The following IMPG1 variants were observed in gnomAD, a reference collection of about 807,000 sequenced individuals.
IMPG1 encodes the protein interphotoreceptor matrix proteoglycan of 150 kDa.
A neutral mutation model predicts 92.0 loss-of-function variants in IMPG1; 85 were observed. The ratio of observed to expected loss-of-function variants is 0.92; its 90% CI spans 0.78 to 1.11. The LOEUF is 1.11. Among genes scored for constraint, IMPG1 ranks in the 50% least tolerant of loss-of-function variants. The pLI is 0.00. For synonymous variants in IMPG1, 367 were observed against 334.1 expected, an observed-to-expected ratio of 1.10 and a Z score of -1.08; for missense variants, 1,022 against 956.0, an observed-to-expected ratio of 1.07 and a Z score of -0.91.
intron 15 of IMPG1, among the ~76,000 whole-genome samples, chr6:75,928,260 C>T (rs1377051285): frequency 6.6e-6 from 1 of 151,536 alleles, no homozygotes; most frequent in African/African-American, 2.4e-5. Flanking sequence ...AGTGCAATGG[C>T]GTGATCTTGG....
At position 75,935,623 on chromosome 6, in the gene IMPG1, T is replaced by C. The variant is rs535086092; in HGVS notation, c.2045-4472A>G. ...GCGAGGAGGTGAAGGGGTCATTCCT[T>C]TGCCTGGGGCATCAGAGAAAGGCAA... On this transcript the variant is annotated intron_variant, in intron 14 of 16. Coordinates refer to ENST00000369950, the MANE Select transcript of IMPG1 (RefSeq NM_001563.4). Among the ~76,000 whole-genome samples, 3 of 152,296 alleles carry C rather than the reference T, an allele frequency of 2.0e-5. No homozygotes were observed. The South Asian group carries it at 6.2e-4, about 32-fold the overall frequency.
chr6:76,007,806 C>G (rs894623567), intron 8 of IMPG1, among the ~76,000 whole-genome samples: 2 of 152,110 alleles, frequency 1.3e-5, no homozygotes, highest in African/African-American at 4.8e-5. Context: ...TCTTCATATT[C>G]CATCTAAAAA....
chr6:75,979,070 A>C (rs1782584907), intron 12 of IMPG1, among the ~76,000 whole-genome samples: 1 of 151,146 alleles, frequency 6.6e-6, no homozygotes, highest in African/African-American at 2.4e-5. Context: ...GTGCCACCAT[A>C]CCTACCTATT....
At chr6:76,009,373 T>C (rs1325550759) in intron 8 of IMPG1, among the ~76,000 whole-genome samples, 1 of 152,236 alleles carries the variant, frequency 6.6e-6, no homozygotes, top group Non-Finnish European at 1.5e-5. Flanking sequence ...ACTTGTTAAA[T>C]TGTAAATCAA....
intron 13 of IMPG1, among the ~76,000 whole-genome samples, chr6:75,949,475 T>C (rs1781987866): frequency 6.6e-6 from 1 of 152,200 alleles, no homozygotes; most frequent in African/African-American, 2.4e-5. Flanking sequence ...TTGTTTAGCA[T>C]AGCATCAAGA....
intron 5 of IMPG1, 103 bp downstream of exon 5, chr6:76,025,091 C>T: frequency 2.7e-6 from 2 of 730,094 alleles, no homozygotes; most frequent in East Asian, 2.7e-5. Flanking sequence ...TGAGAAAGTA[C>T]ATTATAAACA....
rs1011206008 is a variant in IMPG1, at chr6:76,047,899, A to G, written c.68-5773T>C. Among the ~76,000 whole-genome samples, 7 of 152,342 alleles carry G rather than the reference A, an allele frequency of 4.6e-5. No individual in the cohort carries two copies. In the East Asian group the frequency reaches 1.3e-3, roughly 29 times the overall value. The stretch of plus-strand genomic sequence containing the variant: ...TCATCTTATTAAAGATAATATCCTA[A>G]GTGAAAAGGCAAATAAAAATTCTTT... On this transcript the variant is annotated intron_variant, in intron 1 of 16. Transcript: ENST00000369950.
intron 1 of IMPG1, among the ~76,000 whole-genome samples, chr6:76,051,382 C>A (rs1005563884): frequency 2.2e-4 from 34 of 152,180 alleles, no homozygotes; most frequent in African/African-American, 7.2e-4. Context: ...CAGAAGACTG[C>A]ATGGATTTTA....
At chr6:75,995,047 T>A (rs940027140) in intron 12 of IMPG1, among the ~76,000 whole-genome samples, 2 of 152,234 alleles carry the variant, frequency 1.3e-5, no homozygotes, top group Admixed American at 6.5e-5. Context: ...CCACTTTCTG[T>A]TAATGAGCCT....
intron 14 of IMPG1, among the ~76,000 whole-genome samples, chr6:75,946,158 T>C (rs983061976): frequency 1.3e-5 from 2 of 152,230 alleles, no homozygotes; most frequent in Admixed American, 1.3e-4. Flanking sequence ...GTTTGATTTC[T>C]TAGGGGAGCC....
chr6:75,961,511 T>C (rs1236650237), intron 12 of IMPG1, among the ~76,000 whole-genome samples: 1 of 152,068 alleles, frequency 6.6e-6, no homozygotes, highest in Non-Finnish European at 1.5e-5. Context: ...GAGCTTACTG[T>C]CTAGTGGTGG....
At chr6:75,923,858 G>A (rs1781473913) in intron 15 of IMPG1, 152 bp from the exon 16 acceptor site, 1 of 557,920 alleles carries the variant, frequency 1.8e-6, no homozygotes, top group Non-Finnish European at 3.1e-6. Context: ...GTTGGAAGAA[G>A]TGTGCTTTCA....
Position 76,039,444 on chromosome 6 carries a change from C to T in IMPG1, c.301+2449G>A, listed in dbSNP as rs547079309. 9.2e-5 allele frequency among the ~76,000 whole-genome samples: 14 copies of T among 151,758 alleles called. No individual in the cohort carries two copies. In the South Asian group the frequency reaches 2.9e-3, roughly 32 times the overall value. Reference sequence around the variant, plus strand: ...GATCTTGGCTCACTGCAACCTCCGCCTCCTGGGTTTGAGCGATTCTCCTGC... The same window carrying T: ...GATCTTGGCTCACTGCAACCTCCGCTTCCTGGGTTTGAGCGATTCTCCTGC... On this transcript the variant is annotated intron_variant, in intron 2 of 16. Transcript: ENST00000369950.
intron 4 of IMPG1, among the ~76,000 whole-genome samples, chr6:76,029,114 C>G (rs188603212): frequency 7.8e-4 from 119 of 152,318 alleles, no homozygotes; most frequent in African/African-American, 2.7e-3. Flanking sequence ...GCCTAATACC[C>G]TTGTCTATGC....
Position 75,922,068 on chromosome 6 carries a change from A to G in IMPG1, c.*21T>C. ...CATCTCTCTTGAGATAGCCTAAATG[A>G]TAATTGTACATTTTCAGTTTTTAAT... On this transcript the variant is annotated 3_prime_UTR_variant, in exon 17 of 17. Coordinates refer to ENST00000369950, the MANE Select transcript of IMPG1 (RefSeq NM_001563.4). The G allele has an allele frequency of 1.9e-6, 2 of 1,052,618 alleles. No homozygotes were observed. The highest frequency in any genetic ancestry group is 2.9e-6 in the Non-Finnish European group (2 of 688,514). 65.2% of individuals were successfully genotyped at this position (1,052,618 alleles called of 1,614,324 possible). A position where few individuals can be genotyped will look rare whatever the true frequency, so the allele number is the denominator to read the frequency against.
At chr6:76,015,575 T>TG (rs1783270276) in intron 7 of IMPG1, among the ~76,000 whole-genome samples, 1 of 150,962 alleles carries the variant, frequency 6.6e-6, no homozygotes, top group Admixed American at 6.6e-5. Context: ...CCGAGGAGGG[T>TG]GGATCACCTG....
chr6:76,062,512 G>A (rs1784224138), intron 1 of IMPG1, among the ~76,000 whole-genome samples: 2 of 152,294 alleles, frequency 1.3e-5, no homozygotes, highest in South Asian at 4.1e-4. Flanking sequence ...AAAAAGTAGT[G>A]CTGGCATAGG....
chr6:76,003,123 T>A (rs967858041), intron 11 of IMPG1, 127 bp from the exon 12 acceptor site: 2 of 680,180 alleles, frequency 2.9e-6, no homozygotes, highest in Admixed American at 4.2e-5. Context: ...GACTTGAATC[T>A]ACTATGGAGG....
chr6:76,021,852 A>T (rs1456451177), intron 6 of IMPG1, among the ~76,000 whole-genome samples: 1 of 137,048 alleles, frequency 7.3e-6, no homozygotes, highest in African/African-American at 2.7e-5. Context: ...GGGGAAAAAG[A>T]GCCCCAGCAC....
Sources: allele counts gnomAD v4.1 joint callset (sites outside exome capture counted in the v4.1 genomes callset), GRCh38; gene constraint gnomAD v4.1.1; transcripts MANE v1.5; gene names NCBI Gene and HGNC (gene_info 2026-07-23, HGNC 2026-07-21).